The following TRIM61 variants were observed in gnomAD, a reference collection of about 807,000 sequenced individuals.
TRIM61 encodes putative tripartite motif-containing protein 61.
Under a neutral mutation model 14.2 loss-of-function variants are expected in TRIM61, and 1 was observed. The ratio of observed to expected loss-of-function variants is 0.07; its 90% confidence interval spans 0.03 to 0.33. The LOEUF is 0.33. Among genes scored for constraint, TRIM61 ranks in the 10% least tolerant of loss-of-function variants. The probability of loss-of-function intolerance (pLI) is 0.99; values close to 1 mark genes in which losing one functional copy is unlikely to be tolerated. For missense variants in TRIM61, 19 were observed against 202.2 expected (o/e 0.09, Z 5.49); for synonymous variants, 8 against 71.6 (o/e 0.11, Z 4.49).
intron 3 of TRIM61, chr4:164,957,744 C>T (rs948237228): frequency 1.9e-5 from 8 of 418,146 alleles, no homozygotes; most frequent in African/African-American, 1.4e-4. Context: ...GGATATGATA[C>T]GCACACTAGA....
chr4:164,955,852 T>A (rs1465825388), intron 3 of TRIM61, among the ~76,000 whole-genome samples: 2 of 151,970 alleles, frequency 1.3e-5, no homozygotes, highest in African/African-American at 4.8e-5. Flanking sequence ...TTTATGAGAT[T>A]AAAGAGGGTG....
At chr4:164,961,772 A>G (rs1031805287) in intron 3 of TRIM61, among the ~76,000 whole-genome samples, 3 of 152,188 alleles carry the variant, frequency 2.0e-5, no homozygotes, top group Admixed American at 6.5e-5. Context: ...TTAAAATCAA[A>G]AACAGTTTTG....
chr4:164,967,466 C>T (rs1490046299), intron 3 of TRIM61, among the ~76,000 whole-genome samples: 1 of 152,100 alleles, frequency 6.6e-6, no homozygotes, highest in Non-Finnish European at 1.5e-5. Context: ...GATTCTGAGA[C>T]TAGAGATCAG....
chr4:164,962,050 C>T lies in TRIM61; in HGVS notation c.526-6954G>A, dbSNP rs181877139. Reference sequence around the variant, plus strand: ...ACAATGGCAAGCATAGAAAAAGTTCCGTAAAAATAGTTTTATTATCTTATA... The same window carrying T: ...ACAATGGCAAGCATAGAAAAAGTTCTGTAAAAATAGTTTTATTATCTTATA... On this transcript the variant is annotated intron_variant, in intron 3 of 4. Coordinates refer to ENST00000329314, the MANE Select transcript of TRIM61 (RefSeq NM_001012414.3). Among the ~76,000 whole-genome samples the T allele has an allele frequency of 7.9e-5, 12 of 151,994 alleles. No homozygotes were observed. The East Asian group carries it at 1.7e-3, about 22-fold the overall frequency.
intron 2 of TRIM61, among the ~76,000 whole-genome samples, chr4:164,974,843 T>C (rs1732447002): frequency 1.3e-5 from 2 of 152,224 alleles, no homozygotes; most frequent in Admixed American, 6.5e-5. Context: ...ATGGGTACTG[T>C]TGAGCAGAAC....
intron 3 of TRIM61, among the ~76,000 whole-genome samples, chr4:164,965,430 T>C (rs929439621): frequency 7.3e-5 from 11 of 150,824 alleles, no homozygotes; most frequent in Non-Finnish European, 1.0e-4. Context: ...CTCATGCTTA[T>C]AGAATTCTGC....
intron 3 of TRIM61, among the ~76,000 whole-genome samples, chr4:164,955,817 T>C (rs904633180): frequency 6.6e-6 from 1 of 151,966 alleles, no homozygotes; most frequent in African/African-American, 2.4e-5. Flanking sequence ...CTTTCCTCAA[T>C]CCCGATTTAA....
chr4:164,956,161 G>A (rs1159106610), intron 3 of TRIM61, among the ~76,000 whole-genome samples: 1 of 152,206 alleles, frequency 6.6e-6, no homozygotes. Context: ...AACTCCCCAG[G>A]TTCAAGCGAT....
intron 3 of TRIM61, chr4:164,969,280 A>G: frequency 1.4e-6 from 2 of 1,451,932 alleles, no homozygotes; most frequent in South Asian, 3.0e-5. Context: ...CTGACTTCAC[A>G]TATATGCTCT....
chr4:164,977,153 A>C (rs1264925125), intron 1 of TRIM61, among the ~76,000 whole-genome samples: 1 of 152,176 alleles, frequency 6.6e-6, no homozygotes, highest in East Asian at 1.9e-4. Context: ...TGTGAGGATT[A>C]CAGGATGCTT....
intron 3 of TRIM61, among the ~76,000 whole-genome samples, chr4:164,961,290 A>G (rs887136709): frequency 1.3e-5 from 2 of 151,758 alleles, no homozygotes; most frequent in Non-Finnish European, 2.9e-5. Context: ...AGAGTTGGAA[A>G]CTATAAAATC....
intron 3 of TRIM61, among the ~76,000 whole-genome samples, chr4:164,964,801 T>C (rs1414300266): frequency 6.6e-6 from 1 of 152,222 alleles, no homozygotes; most frequent in Non-Finnish European, 1.5e-5. Flanking sequence ...AAAACCCTTA[T>C]CACTTACAGA....
chr4:164,971,558 T>C (rs1310687822), intron 2 of TRIM61, among the ~76,000 whole-genome samples: 1 of 145,348 alleles, frequency 6.9e-6, no homozygotes, highest in Non-Finnish European at 1.5e-5. Context: ...ACCATCGCAC[T>C]CCAGCCTGGG....
intron 3 of TRIM61, among the ~76,000 whole-genome samples, chr4:164,960,510 G>A (rs1267870552): frequency 4.0e-5 from 6 of 150,978 alleles, no homozygotes; most frequent in African/African-American, 1.2e-4. Context: ...AGCCGAGATG[G>A]CACCACTGCA....
At chr4:164,957,726 A>G in intron 3 of TRIM61, 2 of 549,426 alleles carry the variant, frequency 3.6e-6, no homozygotes, top group Admixed American at 3.8e-5. Flanking sequence ...CTGAAAATAT[A>G]AAGAATAGGA....
At chr4:164,968,245 G>A in intron 3 of TRIM61, 36 bp downstream of exon 3, 2 of 979,314 alleles carry the variant, frequency 2.0e-6, no homozygotes, top group Non-Finnish European at 2.4e-6. Flanking sequence ...CTTTAATAAA[G>A]ACTTAATCTT....
At chr4:164,967,996 A>T (rs987753459) in intron 3 of TRIM61, among the ~76,000 whole-genome samples, 1 of 152,054 alleles carries the variant, frequency 6.6e-6, no homozygotes, top group Non-Finnish European at 1.5e-5. Context: ...TATTAAAAAT[A>T]CAAAAATTAG....
chr4:164,967,155 AAATT>A (rs1006453132), intron 3 of TRIM61, among the ~76,000 whole-genome samples: 2 of 152,208 alleles, frequency 1.3e-5, no homozygotes, highest in Non-Finnish European at 1.5e-5. Flanking sequence ...TCAACATAAA[AAATT>A]AAATACTTAA....
chr4:164,965,136 A>C (rs1011359885), intron 3 of TRIM61, among the ~76,000 whole-genome samples: 1 of 152,082 alleles, frequency 6.6e-6, no homozygotes, highest in Admixed American at 6.5e-5. Context: ...AAAAATACAA[A>C]AATTGACCGG....
Sources: allele counts gnomAD v4.1 joint callset (sites outside exome capture counted in the v4.1 genomes callset), GRCh38; gene constraint gnomAD v4.1.1; transcripts MANE v1.5; gene names NCBI Gene and HGNC (gene_info 2026-07-23, HGNC 2026-07-21).